Variants in POLA1 observed in about 807,000 individuals in gnomAD.
POLA1 encodes DNA polymerase alpha 1, catalytic subunit.
A neutral mutation model predicts 124.0 loss-of-function variants in POLA1; 15 were observed. The observed-to-expected ratio is 0.12, with a 90% CI of 0.08 to 0.19. POLA1 has a LOEUF of 0.19. POLA1 is among the 10% of genes least tolerant of loss of function. The probability of loss-of-function intolerance (pLI) is 1.00; values close to 1 mark genes in which losing one functional copy is unlikely to be tolerated. For synonymous variants in POLA1, 408 were observed against 389.4 expected (o/e 1.05, Z -0.56); for missense variants, 886 against 1,103.4 (o/e 0.80, Z 2.79).
chrX:24,794,023 C>G (rs1392243852), intron 26 of POLA1, among the ~76,000 whole-genome samples: 1 of 110,698 alleles, frequency 9.0e-6, no homozygotes, highest in African/African-American at 3.3e-5. Flanking sequence ...GCCCAGGCGG[C>G]TGGAGTGCAG....
At chrX:24,725,764 A>G (rs574063047) in intron 12 of POLA1, among the ~76,000 whole-genome samples, 1 of 112,063 alleles carries the variant, frequency 8.9e-6, no homozygotes, top group Middle Eastern at 4.6e-3. Flanking sequence ...GCATGCAAAT[A>G]TTTCTGAGTT....
intron 32 of POLA1, among the ~76,000 whole-genome samples, chrX:24,830,560 A>T (rs2046246787): frequency 8.9e-6 from 1 of 112,168 alleles, no homozygotes. Context: ...TCCATCTGTG[A>T]ATAGGAAAAA....
At chrX:24,961,352 T>A (rs1372398451) in intron 36 of POLA1, among the ~76,000 whole-genome samples, 2 of 111,520 alleles carry the variant, frequency 1.8e-5, no homozygotes, top group African/African-American at 6.5e-5. Flanking sequence ...AAACTGAAAA[T>A]ATTTCTTTTT....
rs768936915 is a variant in POLA1, at chrX:24,906,962, C to A, written c.4164+18840C>A. On this transcript the variant is annotated intron_variant, in intron 35 of 36. Transcript: ENST00000379068. ...CAACACTTTGGGAGGCCGAGCCGGA[C>A]AGTTCACTTGAGGCCAGGAGTTCAA... Among the ~76,000 whole-genome samples the A allele has an allele frequency of 6.1e-4, 68 of 111,334 alleles. 1 individual carries two copies. Among genetic ancestry groups the A allele is most frequent in the Middle Eastern group, 4.6e-3 (1 of 217 alleles).
chrX:24,945,406 C>T (rs757572316), intron 36 of POLA1, among the ~76,000 whole-genome samples: 1 of 112,375 alleles, frequency 8.9e-6, no homozygotes, highest in Non-Finnish European at 1.9e-5. Context: ...AGCAAATGCT[C>T]GATTCATTTT....
chrX:24,834,111 G>GAAAAA (rs34596461), intron 32 of POLA1, among the ~76,000 whole-genome samples: 2 of 71,427 alleles, frequency 2.8e-5, no homozygotes, highest in Non-Finnish European at 5.2e-5. Context: ...GTCTCAGAAA[G>GAAAAA]AAAAAAAAAA....
At chrX:24,794,106 A>G (rs937696286) in intron 26 of POLA1, among the ~76,000 whole-genome samples, 1 of 110,521 alleles carries the variant, frequency 9.0e-6, no homozygotes, top group Non-Finnish European at 1.9e-5. Context: ...CCTCCCGAGT[A>G]GCTGGGACTA....
chrX:24,907,344 T>C (rs923048952), intron 35 of POLA1, among the ~76,000 whole-genome samples: 2 of 111,011 alleles, frequency 1.8e-5, no homozygotes, highest in Non-Finnish European at 3.8e-5. Flanking sequence ...GGCCAAAAAA[T>C]TATTTGAAGA....
chrX:24,830,211 A>T (rs1225538166), intron 32 of POLA1, among the ~76,000 whole-genome samples: 2 of 111,872 alleles, frequency 1.8e-5, no homozygotes, highest in Non-Finnish European at 3.8e-5. Context: ...TATTGCTTTT[A>T]TACTACTTTC....
chrX:24,945,327 T>C (rs899699276), intron 36 of POLA1, among the ~76,000 whole-genome samples: 5 of 112,541 alleles, frequency 4.4e-5, no homozygotes, highest in African/African-American at 1.6e-4. Context: ...AGTTGGTTTC[T>C]GCAGCCTGTC....
intron 26 of POLA1, among the ~76,000 whole-genome samples, chrX:24,749,511 A>G (rs1169928536): frequency 8.9e-6 from 1 of 111,971 alleles, no homozygotes; most frequent in Non-Finnish European, 1.9e-5. Context: ...TGAGGAGGTG[A>G]CATGAATGAG....
chrX:24,838,813 A>G (rs1052516671), intron 32 of POLA1, among the ~76,000 whole-genome samples: 1 of 112,374 alleles, frequency 8.9e-6, no homozygotes, highest in Non-Finnish European at 1.9e-5. Context: ...CAGAATCTCT[A>G]CCTGTAGGTG....
intron 36 of POLA1, among the ~76,000 whole-genome samples, chrX:24,931,582 A>G (rs1013542646): frequency 8.9e-6 from 1 of 112,201 alleles, no homozygotes; most frequent in African/African-American, 3.2e-5. Context: ...AGATATTAGT[A>G]TCTTATCTCT....
intron 1 of POLA1, 31 bp downstream of exon 1, chrX:24,694,035 G>T: frequency 8.7e-7 from 1 of 1,143,663 alleles, no homozygotes; most frequent in Non-Finnish European, 1.2e-6. Flanking sequence ...CGGGGCTCCG[G>T]GTTGGGACAG....
intron 18 of POLA1, 125 bp downstream of exon 18, chrX:24,735,613 G>A (rs1417756502): frequency 2.4e-6 from 1 of 417,237 alleles, no homozygotes; most frequent in African/African-American, 2.5e-5. Context: ...GTGGACTGGT[G>A]GGAATTGCTG....
At chrX:24,716,625 C>T (rs1400483696) in intron 7 of POLA1, among the ~76,000 whole-genome samples, 171 bp downstream of exon 7, 1 of 112,040 alleles carries the variant, frequency 8.9e-6, no homozygotes, top group Non-Finnish European at 1.9e-5. Context: ...CATGTGCCTG[C>T]CTTTTTCATA....
chrX:24,710,228 A>G lies in POLA1; in HGVS notation c.347-4326A>G, dbSNP rs1021328932. Among the ~76,000 whole-genome samples the G allele has an allele frequency of 2.7e-5, 3 of 110,507 alleles. No homozygotes were observed. The Admixed American group carries it at 2.9e-4, about 11-fold the overall frequency. Reference sequence around the variant, plus strand: ...CATCACCATCATCTTGTTCCAGAACATTTTCATCATCCAAAATGGAAGCCC... The same window carrying G: ...CATCACCATCATCTTGTTCCAGAACGTTTTCATCATCCAAAATGGAAGCCC... On this transcript the variant is annotated intron_variant, in intron 4 of 36. Transcript: ENST00000379068.
rs111664864 is a variant in POLA1 at position 24,791,792 on chromosome X, G to C, written c.2965-18106G>C. Among the ~76,000 whole-genome samples, 815 of 112,367 alleles carry C rather than the reference G, an allele frequency of 7.3e-3. 6 individuals carry two copies. Among genetic ancestry groups the C allele is most frequent in the African/African-American group, 0.025 (760 of 30,940 alleles). On this transcript the variant is annotated intron_variant, in intron 26 of 36. Transcript: ENST00000379068. ...CCACATGCTTCAGATTTTATAAGAA[G>C]TAAGCTGGGATGTTCCAAGTTCCGT...
chrX:24,994,310 G>A (rs2147307704), intron 36 of POLA1, among the ~76,000 whole-genome samples: 1 of 113,066 alleles, frequency 8.8e-6, no homozygotes, highest in South Asian at 3.6e-4. Flanking sequence ...AAAAGGTTGT[G>A]GAGAGCAAAT....
Sources: allele counts gnomAD v4.1 joint callset (sites outside exome capture counted in the v4.1 genomes callset), GRCh38; gene constraint gnomAD v4.1.1; transcripts MANE v1.5; gene names NCBI Gene and HGNC (gene_info 2026-07-23, HGNC 2026-07-21).